The following CCSER1 variants were observed in gnomAD, a reference collection of about 807,000 sequenced individuals.
The protein encoded by CCSER1 is coiled-coil serine rich protein 1.
A neutral mutation model predicts 82.0 loss-of-function variants in CCSER1; 41 were observed. The ratio of observed to expected loss-of-function variants is 0.50; its 90% CI spans 0.39 to 0.65. CCSER1 has a LOEUF of 0.65. Among genes scored for constraint, CCSER1 ranks in the 30% least tolerant of loss-of-function variants. The pLI, the probability that CCSER1 is intolerant of heterozygous loss-of-function variation, is 0.00. For synonymous variants in CCSER1, 414 were observed against 383.9 expected, an observed-to-expected ratio of 1.08 and a Z score of -0.92; for missense variants, 1,119 against 1,064.2, an observed-to-expected ratio of 1.05 and a Z score of -0.72.
intron 10 of CCSER1, among the ~76,000 whole-genome samples, chr4:91,234,003 G>A (rs1738818478): frequency 6.6e-6 from 1 of 151,872 alleles, no homozygotes; most frequent in Admixed American, 6.6e-5. Context: ...TGCAAATATA[G>A]TATGTTTTCT....
chr4:90,764,562 T>C (rs1750916550), intron 7 of CCSER1, among the ~76,000 whole-genome samples: 1 of 152,146 alleles, frequency 6.6e-6, no homozygotes, highest in Admixed American at 6.6e-5. Flanking sequence ...AAACCTTATT[T>C]AAACAGAAAG....
At chr4:90,803,933 G>A (rs995670592) in intron 7 of CCSER1, among the ~76,000 whole-genome samples, 1 of 152,136 alleles carries the variant, frequency 6.6e-6, no homozygotes, top group African/African-American at 2.4e-5. Context: ...GTCTCATTGT[G>A]GTTTTGATTT....
intron 10 of CCSER1, among the ~76,000 whole-genome samples, chr4:91,383,409 T>C (rs921469538): frequency 6.6e-6 from 1 of 151,976 alleles, no homozygotes; most frequent in African/African-American, 2.4e-5. Context: ...AACAATATGA[T>C]AACAAATATG....
chr4:90,746,016 T>C (rs1222096481), intron 7 of CCSER1, among the ~76,000 whole-genome samples: 1 of 152,164 alleles, frequency 6.6e-6, no homozygotes, highest in African/African-American at 2.4e-5. Flanking sequence ...ATCTTTGGTA[T>C]ATGTTTCCAA....
intron 9 of CCSER1, among the ~76,000 whole-genome samples, chr4:90,933,662 A>T (rs1730558158): frequency 6.8e-6 from 1 of 146,858 alleles, no homozygotes. Context: ...ACTTGGTGTG[A>T]GTGTATTATT....
chr4:91,217,612 T>A (rs1405269120), intron 10 of CCSER1, among the ~76,000 whole-genome samples: 1 of 152,172 alleles, frequency 6.6e-6, no homozygotes. Flanking sequence ...CCAGAGCAGC[T>A]AGATACAGAG....
intron 10 of CCSER1, among the ~76,000 whole-genome samples, chr4:91,144,231 A>T (rs545490866): frequency 1.3e-5 from 2 of 150,952 alleles, no homozygotes; most frequent in East Asian, 3.9e-4. Flanking sequence ...TTTTTTCTAG[A>T]TTTTCTAGTT....
chr4:90,969,250 T>G (rs1734857149), intron 9 of CCSER1, among the ~76,000 whole-genome samples: 1 of 151,924 alleles, frequency 6.6e-6, no homozygotes, highest in African/African-American at 2.4e-5. Flanking sequence ...ATATAATAAC[T>G]GAAAATGTGC....
intron 8 of CCSER1, among the ~76,000 whole-genome samples, chr4:90,867,247 A>G (rs981425300): frequency 2.6e-5 from 4 of 151,958 alleles, no homozygotes; most frequent in African/African-American, 4.8e-5. Context: ...CTATCCACTC[A>G]CTGTCAGGCA....
chr4:91,505,955 A>T (rs1436443105), intron 10 of CCSER1, among the ~76,000 whole-genome samples: 2 of 151,986 alleles, frequency 1.3e-5, no homozygotes, highest in Non-Finnish European at 2.9e-5. Context: ...CCCATTTGTC[A>T]ATTTTTGCTT....
chr4:91,584,212 G>C (rs1434506299), intron 10 of CCSER1, among the ~76,000 whole-genome samples: 3 of 151,366 alleles, frequency 2.0e-5, no homozygotes, highest in African/African-American at 7.3e-5. Context: ...GGGTCTGGAG[G>C]CATAATTCTC....
intron 10 of CCSER1, among the ~76,000 whole-genome samples, chr4:91,309,484 T>G (rs1215662214): frequency 6.6e-6 from 1 of 152,052 alleles, no homozygotes; most frequent in Non-Finnish European, 1.5e-5. Flanking sequence ...TACTGATGTT[T>G]GCAGAAAACC....
At chr4:90,636,576 A>G (rs1454421080) in intron 6 of CCSER1, among the ~76,000 whole-genome samples, 1 of 152,112 alleles carries the variant, frequency 6.6e-6, no homozygotes. Context: ...ACAATTTACT[A>G]TATTAAAATA....
At chr4:91,238,056 A>G (rs934782153) in intron 10 of CCSER1, among the ~76,000 whole-genome samples, 11 of 152,176 alleles carry the variant, frequency 7.2e-5, no homozygotes, top group Non-Finnish European at 1.5e-4. Flanking sequence ...GGCAGAGTTT[A>G]AAGATGACCC....
At chr4:90,866,309 G>A (rs1695791096) in intron 8 of CCSER1, among the ~76,000 whole-genome samples, 1 of 152,004 alleles carries the variant, frequency 6.6e-6, no homozygotes, top group Non-Finnish European at 1.5e-5. Context: ...TTATAAATGA[G>A]TGAGTAGCCG....
chr4:90,615,173 A>G (rs982188462), intron 5 of CCSER1, among the ~76,000 whole-genome samples: 4 of 152,192 alleles, frequency 2.6e-5, no homozygotes, highest in Non-Finnish European at 5.9e-5. Flanking sequence ...CTTTAAAAAT[A>G]TTACTGGTCA....
intron 1 of CCSER1, among the ~76,000 whole-genome samples, chr4:90,168,167 C>G (rs569624858): frequency 9.2e-5 from 14 of 152,296 alleles, no homozygotes; most frequent in African/African-American, 3.4e-4. Flanking sequence ...GATCGCCATT[C>G]TAACTGGTGT....
intron 5 of CCSER1, among the ~76,000 whole-genome samples, chr4:90,527,477 C>T (rs987576923): frequency 1.5e-5 from 2 of 137,010 alleles, no homozygotes; most frequent in African/African-American, 5.4e-5. Context: ...AAAATATCAT[C>T]CCAGTGCACC....
chr4:90,314,691 G>A (rs1032116637), intron 3 of CCSER1, among the ~76,000 whole-genome samples: 55 of 152,062 alleles, frequency 3.6e-4, no homozygotes, highest in African/African-American at 9.6e-4. Flanking sequence ...GTTGGAGGCT[G>A]CAGTGAGTTA....
Sources: allele counts gnomAD v4.1 joint callset (sites outside exome capture counted in the v4.1 genomes callset), GRCh38; gene constraint gnomAD v4.1.1; transcripts MANE v1.5; gene names NCBI Gene and HGNC (gene_info 2026-07-23, HGNC 2026-07-21).